Variants in MIAT observed in about 807,000 individuals in gnomAD.
MIAT encodes the protein myocardial infarction associated transcript, also known as MI related novel mRNA.
At chr22:26,651,927 C>G (rs1318009239) in intron 2 of MIAT, among the ~76,000 whole-genome samples, 1 of 152,200 alleles carries the variant, frequency 6.6e-6, no homozygotes, top group Admixed American at 6.5e-5. Context: ...TGAATGTACT[C>G]AGGGCCACTG....
downstream of MIAT, chr22:26,674,413 G>A (rs975167560): frequency 1.8e-5 from 7 of 398,724 alleles, no homozygotes; most frequent in Non-Finnish European, 3.1e-5. Context: ...GGTAGTCAGA[G>A]TCTGCAGGAG....
At position 26,663,745 on chromosome 22, in the gene MIAT, A is replaced by C. The variant is rs190308409; in HGVS notation, n.729+347A>C. Reference sequence around the variant, plus strand: ...ATAACTTTATTGAGGTATAATTTACATACAAGGAAATGCACCCGTTTAAAG... The same window carrying C: ...ATAACTTTATTGAGGTATAATTTACCTACAAGGAAATGCACCCGTTTAAAG... On this transcript the variant is annotated intron_variant and non_coding_transcript_variant, in intron 3 of 5. Transcript: ENST00000643270. Among the ~76,000 whole-genome samples the C allele has an allele frequency of 3.4e-4, 52 of 152,300 alleles. No individual in the cohort carries two copies. The East Asian group carries it at 9.4e-3, about 28-fold the overall frequency.
At chr22:26,655,311 G>A (rs557840207) in intron 2 of MIAT, among the ~76,000 whole-genome samples, 1 of 152,208 alleles carries the variant, frequency 6.6e-6, no homozygotes, top group Non-Finnish European at 1.5e-5. Context: ...AGCAACAGAT[G>A]TGTAGTCCAG....
intron 2 of MIAT, among the ~76,000 whole-genome samples, chr22:26,659,513 A>T (rs9968018): frequency 6.6e-6 from 1 of 152,040 alleles, no homozygotes; most frequent in African/African-American, 2.4e-5. Flanking sequence ...CGCCAGCTTT[A>T]GGAGAATAAT....
chr22:26,674,095 G>C (rs1283490214), downstream of MIAT: 4 of 398,546 alleles, frequency 1.0e-5, no homozygotes. Flanking sequence ...TGGGGACTTT[G>C]TGTTTTGGAA....
intron 2 of MIAT, among the ~76,000 whole-genome samples, chr22:26,650,698 A>T (rs4822760): frequency 0.85 from 129,072 of 152,188 alleles, 54,800 homozygotes; most frequent in South Asian, 0.92. Context: ...CCATGCCCAG[A>T]TGAACAGACC....
chr22:26,672,289 G>T (rs1931078060), downstream of MIAT: 1 of 399,146 alleles, frequency 2.5e-6, no homozygotes, highest in South Asian at 1.3e-4. Flanking sequence ...GCAAGCAGAT[G>T]ACCTGGGGCT....
intron 3 of MIAT, chr22:26,665,438 A>G (rs1930812538): frequency 5.0e-6 from 2 of 398,630 alleles, no homozygotes; most frequent in African/African-American, 4.1e-5. Flanking sequence ...CCATCACCTT[A>G]TTAATATCAT....
chr22:26,672,858 CAT>C, downstream of MIAT: 1 of 398,550 alleles, frequency 2.5e-6, no homozygotes. Context: ...AAACATTTCT[CAT>C]ATTTGAAGGC....
chr22:26,648,850 C>T (rs1930285867), intron 2 of MIAT, among the ~76,000 whole-genome samples: 1 of 151,852 alleles, frequency 6.6e-6, no homozygotes, highest in African/African-American at 2.4e-5. Flanking sequence ...TATAAGAACT[C>T]TAGGTCTTGT....
chr22:26,665,466 A>G (rs75321796), intron 3 of MIAT: 6,088 of 398,586 alleles, frequency 0.015, 289 homozygotes, highest in African/African-American at 0.11. Context: ...GGTCCACAGA[A>G]CGAGGGGAAA....
chr22:26,660,313 A>C lies in MIAT; in HGVS notation n.647-3003A>C, dbSNP rs139932001. ...ATGGCGAAACCCTGTCTTACTAAAAATACAAAAATTAACTGCATGGTGGCA... is the reference window on the plus strand; with the variant it reads ...ATGGCGAAACCCTGTCTTACTAAAACTACAAAAATTAACTGCATGGTGGCA... On this transcript the variant is annotated intron_variant and non_coding_transcript_variant, in intron 2 of 5. Coordinates refer to ENST00000643270, the Ensembl canonical transcript of MIAT. Among the ~76,000 whole-genome samples, 134 of 151,934 alleles carry C rather than the reference A, an allele frequency of 8.8e-4. 1 individual carries two copies. In the Middle Eastern group the frequency reaches 0.017, roughly 19 times the overall value.
At chr22:26,657,377 G>A in intron 2 of MIAT, 1 of 396,898 alleles carries the variant, frequency 2.5e-6, no homozygotes, top group Non-Finnish European at 4.4e-6. Flanking sequence ...TGGGTGTGAG[G>A]TTGTAGGGGC....
intron 2 of MIAT, among the ~76,000 whole-genome samples, chr22:26,662,302 G>T (rs927948165): frequency 6.6e-6 from 1 of 152,042 alleles, no homozygotes; most frequent in Non-Finnish European, 1.5e-5. Context: ...GGTCCAAGAG[G>T]CCTGTTTAGA....
intron 2 of MIAT, among the ~76,000 whole-genome samples, chr22:26,653,498 G>T (rs1930374014): frequency 6.6e-6 from 1 of 152,002 alleles, no homozygotes; most frequent in Non-Finnish European, 1.5e-5. Context: ...TTGTTTAAGG[G>T]GCCTTTTCCC....
intron 2 of MIAT, among the ~76,000 whole-genome samples, chr22:26,661,923 T>TATAC (rs1930681482): frequency 5.5e-5 from 1 of 18,032 alleles, no homozygotes; most frequent in Non-Finnish European, 8.8e-5. Flanking sequence ...GATCCATATA[T>TATAC]ATATATATAT....
chr22:26,658,215 G>A (rs16982564), intron 2 of MIAT: 18,941 of 148,578 alleles, frequency 0.13, 1,258 homozygotes, highest in East Asian at 0.15. Flanking sequence ...CCAAAAGGAT[G>A]GAGAGGGCTG....
exon 5 of MIAT, chr22:26,675,103 A>G (rs1355612152): frequency 2.5e-6 from 1 of 398,540 alleles, no homozygotes; most frequent in Non-Finnish European, 4.4e-6. Flanking sequence ...CTTTAATTCT[A>G]GTGTGTTGGG....
downstream of MIAT, chr22:26,671,823 A>G: frequency 2.5e-6 from 1 of 398,308 alleles, no homozygotes; most frequent in Non-Finnish European, 4.4e-6. Context: ...AGCACATGGC[A>G]GACACCTAAA....
Sources: allele counts gnomAD v4.1 joint callset (sites outside exome capture counted in the v4.1 genomes callset), GRCh38; gene constraint gnomAD v4.1.1; transcripts MANE v1.5; gene names NCBI Gene and HGNC (gene_info 2026-07-23, HGNC 2026-07-21).